GABRA2: variants seen among roughly 807,000 people sequenced by gnomAD.
GABRA2 encodes the protein gamma-aminobutyric acid type A receptor subunit alpha2, also known as gamma-aminobutyric acid receptor subunit alpha-2.
A neutral mutation model predicts 48.7 loss-of-function variants in GABRA2; 16 were observed. That is an observed-to-expected ratio of 0.33 (90% confidence interval 0.22 to 0.50). The LOEUF is 0.50. GABRA2 is among the 20% of genes least tolerant of loss of function. The probability of loss-of-function intolerance (pLI) is 0.98; values close to 1 mark genes in which losing one functional copy is unlikely to be tolerated. For missense variants in GABRA2, 275 were observed against 535.6 expected (o/e 0.51, Z 4.80); for synonymous variants, 185 against 184.5 (o/e 1.00, Z -0.02).
At chr4:46,299,806 G>A (rs1725425020) in intron 8 of GABRA2, among the ~76,000 whole-genome samples, 3 of 151,108 alleles carry the variant, frequency 2.0e-5, no homozygotes, top group South Asian at 2.1e-4. Flanking sequence ...CCCCCTTAAA[G>A]GACAGTCATG....
chr4:46,359,952 G>T (rs1370898621), intron 3 of GABRA2, among the ~76,000 whole-genome samples: 1 of 151,678 alleles, frequency 6.6e-6, no homozygotes, highest in African/African-American at 2.4e-5. Flanking sequence ...TAAAAGCAGT[G>T]ATAAGTCCAC....
chr4:46,309,487 T>C (rs1727267478), intron 6 of GABRA2, among the ~76,000 whole-genome samples: 1 of 152,004 alleles, frequency 6.6e-6, no homozygotes, highest in Non-Finnish European at 1.5e-5. Flanking sequence ...TTCGTGGATT[T>C]ATGCTGAACC....
chr4:46,273,526 TATATATATATGA>T (rs1468087379), intron 8 of GABRA2, among the ~76,000 whole-genome samples: 34 of 51,272 alleles, frequency 6.6e-4, no homozygotes, highest in African/African-American at 3.0e-3. Flanking sequence ...TATATATATA[TATATATATATGA>T]GAGAGAGAGG....
At chr4:46,374,482 G>T (rs959455468) in intron 3 of GABRA2, among the ~76,000 whole-genome samples, 5 of 152,090 alleles carry the variant, frequency 3.3e-5, no homozygotes, top group Admixed American at 6.5e-5. Flanking sequence ...AACGTATTTT[G>T]TAATACTACT....
At chr4:46,331,967 C>T (rs966704955) in intron 4 of GABRA2, among the ~76,000 whole-genome samples, 26 of 152,210 alleles carry the variant, frequency 1.7e-4, no homozygotes, top group African/African-American at 5.3e-4. Flanking sequence ...AAGCAGTCCT[C>T]CCACCTCAGC....
rs1726540184 is a variant in GABRA2 at position 46,305,572 on chromosome 4, A to G, written c.699T>C (p.Ser233=). Residue 233 remains serine, a synonymous_variant, in exon 7 of 10, where the codon AGT becomes AGC. Transcript: ENST00000381620. Reference sequence around the variant, plus strand: ...TTAAAGACTAATTTTACTAACCTGTACTGGATTTAATTGTCTCCTTTCCGA... The same window carrying G: ...TTAAAGACTAATTTTACTAACCTGTGCTGGATTTAATTGTCTCCTTTCCGA... The part of the protein sequence containing the change: ...QSIGKETIKS[S]TGEYTVMTAH... 2 of 1,613,662 alleles carry G rather than the reference A, an allele frequency of 1.2e-6. No individual in the cohort carries two copies. Among genetic ancestry groups the G allele is most frequent in the Non-Finnish European group, 1.7e-6 (2 of 1,179,820 alleles).
chr4:46,378,674 A>C (rs1014957691), intron 3 of GABRA2, among the ~76,000 whole-genome samples: 1 of 152,050 alleles, frequency 6.6e-6, no homozygotes, highest in Admixed American at 6.5e-5. Context: ...AAAAAATTTA[A>C]AAATTAGCTG....
rs546976146 is a variant in GABRA2, at chr4:46,310,159, A to T, written c.559+14T>A. On this transcript the variant is annotated intron_variant, in intron 6 of 9. Coordinates refer to ENST00000381620, the MANE Select transcript of GABRA2 (RefSeq NM_000807.4). ...TTATTGACCCAAAACATGTAACTTC[A>T]TCCCTGTACTTACAGCTGCCAAATT... 1 of 1,604,642 alleles carries T rather than the reference A, an allele frequency of 6.2e-7. No individual in the cohort carries two copies. The highest frequency in any genetic ancestry group is 1.7e-5 in the Admixed American group (1 of 59,972).
At position 46,390,058 on chromosome 4, in the gene GABRA2, G is replaced by T; in HGVS notation, c.-334C>A. 7 of 359,554 alleles carry T rather than the reference G, an allele frequency of 1.9e-5. 1 individual carries two copies. Among genetic ancestry groups the T allele is most frequent in the South Asian group, 1.1e-4 (1 of 9,008 alleles). The allele number at this position is 359,554 out of a possible 1,614,324, so 22.3% of individuals were successfully genotyped here. ...AAACGATGACAGGAGCTGGGGCCGG[G>T]GGGGGAAATTGGGGGGACGCGGGCG... On this transcript the variant is annotated 5_prime_UTR_variant, in exon 1 of 10. Transcript: ENST00000381620.
At position 46,250,510 on chromosome 4, in the gene GABRA2, G is replaced by A. The variant is rs201400325; in HGVS notation, c.1154C>T (p.Ser385Phe). ...APNLSKDPVL[S>F]TISKSATTPE... ...CGTGGTTGCACTCTTGGAGATGGTG[G>A]AGAGAACTGGATCTTTTGAAAGATT... The change falls in exon 10 of 10, where the codon TCC becomes TTC. Residue 385 changes from serine to phenylalanine, a missense_variant. Ser to Phe is a radical substitution (Grantham distance 155, BLOSUM62 -2). Transcript: ENST00000381620. The A allele has an allele frequency of 6.2e-7, 1 of 1,611,836 alleles. No homozygotes were observed. The highest frequency in any genetic ancestry group is 8.5e-7 in the Non-Finnish European group (1 of 1,178,540).
chr4:46,284,456 G>T (rs1722142984), intron 8 of GABRA2, among the ~76,000 whole-genome samples: 1 of 152,166 alleles, frequency 6.6e-6, no homozygotes, highest in Non-Finnish European at 1.5e-5. Flanking sequence ...GATGTAAATA[G>T]CACTTAGTAA....
intron 9 of GABRA2, among the ~76,000 whole-genome samples, chr4:46,258,042 A>G (rs1194773582): frequency 1.3e-5 from 2 of 151,818 alleles, no homozygotes; most frequent in East Asian, 1.9e-4. Context: ...GAGATGTTAT[A>G]TTCAGGTAGA....
intron 8 of GABRA2, among the ~76,000 whole-genome samples, chr4:46,275,341 C>A (rs1340716794): frequency 6.6e-6 from 1 of 152,130 alleles, no homozygotes; most frequent in Non-Finnish European, 1.5e-5. Flanking sequence ...CCCATCAAAT[C>A]ATAATCTACA....
At chr4:46,284,527 T>G (rs1722157507) in intron 8 of GABRA2, among the ~76,000 whole-genome samples, 1 of 152,304 alleles carries the variant, frequency 6.6e-6, no homozygotes, top group East Asian at 1.9e-4. Flanking sequence ...CTTTTACTTT[T>G]GCAAAATACA....
chr4:46,288,400 GC>G (rs1284019247), intron 8 of GABRA2, among the ~76,000 whole-genome samples: 5 of 152,126 alleles, frequency 3.3e-5, no homozygotes, highest in African/African-American at 1.2e-4. Context: ...GATGTCAACT[GC>G]AAACAGGCTT....
intron 3 of GABRA2, among the ~76,000 whole-genome samples, chr4:46,355,318 A>AT (rs1397929974): frequency 1.3e-5 from 2 of 152,134 alleles, no homozygotes; most frequent in African/African-American, 2.4e-5. Context: ...ACTAAACTAT[A>AT]TTTTTTTAGA....
intron 3 of GABRA2, among the ~76,000 whole-genome samples, chr4:46,384,377 A>C (rs1030204225): frequency 6.6e-6 from 1 of 152,232 alleles, no homozygotes. Context: ...GTATTGCATT[A>C]ACCTAATTAA....
intron 8 of GABRA2, among the ~76,000 whole-genome samples, chr4:46,293,368 G>A (rs1724035559): frequency 6.6e-6 from 1 of 152,130 alleles, no homozygotes; most frequent in South Asian, 2.1e-4. Context: ...TCCCCAAGGA[G>A]ACCTTTTATC....
At chr4:46,321,396 T>C (rs1171126577) in intron 4 of GABRA2, among the ~76,000 whole-genome samples, 2 of 152,036 alleles carry the variant, frequency 1.3e-5, no homozygotes, top group African/African-American at 2.4e-5. Context: ...TGCAAGATGA[T>C]GGATATGTTA....
Sources: allele counts gnomAD v4.1 joint callset (sites outside exome capture counted in the v4.1 genomes callset), GRCh38; gene constraint gnomAD v4.1.1; transcripts MANE v1.5; gene names NCBI Gene and HGNC (gene_info 2026-07-23, HGNC 2026-07-21).